The following AMELY variants were observed in gnomAD, a reference collection of about 807,000 sequenced individuals.
The protein encoded by AMELY is amelogenin Y-linked.
AMELY carries 4 observed loss-of-function variants against 4.2 expected under a neutral mutation model. The observed-to-expected ratio is 0.96, with a 90% CI of 0.47 to 2.19. The LOEUF (loss-of-function observed/expected upper bound fraction) is 2.19, where lower values mean the gene tolerates loss of function less well. AMELY is among the 30% of genes most tolerant of loss of function. The pLI is 0.02. For synonymous variants in AMELY, 11 were observed against 14.7 expected, an observed-to-expected ratio of 0.75 and a Z score of 0.57; for missense variants, 32 against 41.5, an observed-to-expected ratio of 0.77 and a Z score of 0.63.
intron 1 of AMELY, among the ~76,000 whole-genome samples, chrY:6,887,538 T>G: frequency 3.0e-5 from 1 of 33,166 alleles, no homozygotes; most frequent in African/African-American, 1.2e-4. Flanking sequence ...TTTTTTTTCT[T>G]TTACTTTAAA....
chrY:6,888,236 T>G lies in AMELY; in HGVS notation c.-112-14165A>C, dbSNP rs773751975. On this transcript the variant is annotated intron_variant, in intron 1 of 6. Coordinates refer to ENST00000651267, the MANE Select transcript of AMELY (RefSeq NM_001143.2). ...TCTCATTGTGGTTTTTATTTGCATT[T>G]ATTTGCATTTCTCTAATGATCAATG... Among the ~76,000 whole-genome samples the G allele has an allele frequency of 8.9e-5, 3 of 33,863 alleles. No homozygotes were observed. In the East Asian group the frequency reaches 2.3e-3, roughly 26 times the overall value. The allele number at this position is 33,863 out of a possible 37,273, so 90.9% of individuals were successfully genotyped here. A position where few individuals can be genotyped will look rare whatever the true frequency, so the allele number is the denominator to read the frequency against.
rs2054068654 is a variant in AMELY at position 6,872,354 on chromosome Y, A to C, written c.54+201T>G. Among the ~76,000 whole-genome samples the C allele has an allele frequency of 8.9e-5, 3 of 33,618 alleles. No homozygotes were observed. In the East Asian group the frequency reaches 2.3e-3, roughly 26 times the overall value. The allele number at this position is 33,618 out of a possible 37,273, so 90.2% of individuals were successfully genotyped here. A position where few individuals can be genotyped will look rare whatever the true frequency, so the allele number is the denominator to read the frequency against. On this transcript the variant is annotated intron_variant, in intron 3 of 6. Coordinates refer to ENST00000651267, the MANE Select transcript of AMELY (RefSeq NM_001143.2). ...GACATTTACAAAGATGCGAATGAGC[A>C]TGAAAGACATTATACTAAGCAAAAT...
At chrY:6,885,426 A>G (rs1603022387) in intron 1 of AMELY, among the ~76,000 whole-genome samples, 2 of 34,206 alleles carry the variant, frequency 5.8e-5, no homozygotes, top group Admixed American at 2.6e-4. Flanking sequence ...AGGGAGCCAA[A>G]ATTGTGCCAC....
At chrY:6,878,358 G>A in intron 1 of AMELY, among the ~76,000 whole-genome samples, 7 of 32,986 alleles carry the variant, frequency 2.1e-4, no homozygotes, top group Non-Finnish European at 7.5e-5. Context: ...CTTCCCTGAA[G>A]CTGATTTCTG....
chrY:6,887,114 CA>C (rs2054080539), intron 1 of AMELY, among the ~76,000 whole-genome samples: 1 of 32,837 alleles, frequency 3.0e-5, no homozygotes, highest in Non-Finnish European at 7.5e-5. Flanking sequence ...TAATAGTTCA[CA>C]AAATAGTTCT....
chrY:6,897,761 AT>A (rs2054086995), intron 1 of AMELY, among the ~76,000 whole-genome samples: 1 of 30,922 alleles, frequency 3.2e-5, no homozygotes, highest in Non-Finnish European at 7.8e-5. Flanking sequence ...ACATGCCACC[AT>A]GCGTGGCTAA....
chrY:6,892,060 C>T, intron 1 of AMELY, among the ~76,000 whole-genome samples: 2 of 34,347 alleles, frequency 5.8e-5, no homozygotes, highest in Non-Finnish European at 1.5e-4. Context: ...AGAAGAAATT[C>T]TAGCCCTTCT....
chrY:6,868,852 G>T (rs752329576), intron 4 of AMELY, 76 bp from the exon 5 acceptor site: 40 of 282,935 alleles, frequency 1.4e-4, no homozygotes, highest in Non-Finnish European at 2.1e-4. Context: ...TGATGCGGTA[G>T]GAAATATAGA....
At chrY:6,869,629 A>G (rs776301302) in intron 4 of AMELY, among the ~76,000 whole-genome samples, 1 of 33,918 alleles carries the variant, frequency 2.9e-5, no homozygotes, top group Admixed American at 2.7e-4. Flanking sequence ...AAGAGAGGAA[A>G]TTATTTGCCC....
At chrY:6,869,902 AG>A (rs755745474) in intron 4 of AMELY, 103 bp downstream of exon 4, 1 of 300,824 alleles carries the variant, frequency 3.3e-6, no homozygotes, top group Non-Finnish European at 5.1e-6. Context: ...GGACCACTTG[AG>A]AAACCACTTT....
At chrY:6,896,058 G>C in intron 1 of AMELY, among the ~76,000 whole-genome samples, 1 of 33,367 alleles carries the variant, frequency 3.0e-5, no homozygotes, top group Non-Finnish European at 7.4e-5. Context: ...CTGTTTGTCT[G>C]TTATTGGTGT....
intron 1 of AMELY, among the ~76,000 whole-genome samples, chrY:6,899,563 T>TA (rs1556041569): frequency 8.4e-4 from 21 of 25,100 alleles, no homozygotes; most frequent in Admixed American, 3.7e-3. Context: ...CGGTCTCTAC[T>TA]AAAAAAAAAA....
intron 1 of AMELY, among the ~76,000 whole-genome samples, chrY:6,891,141 A>G: frequency 3.0e-5 from 1 of 33,323 alleles, no homozygotes; most frequent in African/African-American, 1.2e-4. Context: ...ATTGCTTTAT[A>G]CTAGCACCTG....
intron 1 of AMELY, among the ~76,000 whole-genome samples, chrY:6,880,770 T>C (rs2054074660): frequency 3.0e-5 from 1 of 33,282 alleles, no homozygotes; most frequent in Non-Finnish European, 7.4e-5. Flanking sequence ...GGTGTATGTG[T>C]CCAGGAATTT....
intron 1 of AMELY, among the ~76,000 whole-genome samples, chrY:6,909,117 G>C: frequency 2.7e-4 from 9 of 33,682 alleles, no homozygotes; most frequent in Non-Finnish European, 5.9e-4. Context: ...CTAAGCAGGG[G>C]TGGCAGGCTA....
chrY:6,890,646 C>T, intron 1 of AMELY, among the ~76,000 whole-genome samples: 1 of 34,023 alleles, frequency 2.9e-5, no homozygotes, highest in African/African-American at 1.1e-4. Context: ...CCTCAGAAGC[C>T]TCATTAGAGT....
chrY:6,894,714 C>A, intron 1 of AMELY, among the ~76,000 whole-genome samples: 1 of 33,534 alleles, frequency 3.0e-5, no homozygotes, highest in Non-Finnish European at 7.4e-5. Flanking sequence ...ATAGCTGGAT[C>A]AGCAGCCATC....
chrY:6,874,951 GAT>G, intron 1 of AMELY, among the ~76,000 whole-genome samples: 1 of 33,150 alleles, frequency 3.0e-5, no homozygotes, highest in Non-Finnish European at 7.5e-5. Context: ...GATAATGAAT[GAT>G]GTCTATCAAT....
At chrY:6,887,686 G>T (rs2054080880) in intron 1 of AMELY, among the ~76,000 whole-genome samples, 1 of 32,271 alleles carries the variant, frequency 3.1e-5, no homozygotes, top group African/African-American at 1.2e-4. Context: ...CCCCCGACTG[G>T]CCCCACTGTG....
Sources: gnomAD v4.1 joint callset for allele counts (sites outside exome capture counted in the v4.1 genomes callset) on GRCh38, gnomAD v4.1.1 for gene constraint, MANE v1.5 for transcripts, NCBI Gene and HGNC (gene_info 2026-07-23, HGNC 2026-07-21) for gene names.